DENND5B: variants seen among roughly 807,000 people sequenced by gnomAD.
DENND5B encodes DENN domain containing 5B, also known as DENN domain-containing protein 5B.
Under a neutral mutation model 140.6 loss-of-function variants are expected in DENND5B, and 34 were observed. The observed-to-expected ratio is 0.24, with a 90% CI of 0.18 to 0.32. DENND5B has a LOEUF of 0.32. Among genes scored for constraint, DENND5B ranks in the 10% least tolerant of loss-of-function variants. The pLI is 1.00. For synonymous variants in DENND5B, 551 were observed against 562.1 expected, an observed-to-expected ratio of 0.98 and a Z score of 0.28; for missense variants, 1,142 against 1,560.2, an observed-to-expected ratio of 0.73 and a Z score of 4.52.
intron 4 of DENND5B, among the ~76,000 whole-genome samples, chr12:31,456,999 T>G (rs1169731755): frequency 6.6e-6 from 1 of 152,122 alleles, no homozygotes; most frequent in Non-Finnish European, 1.5e-5. Flanking sequence ...TGGGAGGATC[T>G]CCTGAGCTCA....
chr12:31,538,131 C>A (rs1038700687), intron 1 of DENND5B, among the ~76,000 whole-genome samples: 24 of 152,210 alleles, frequency 1.6e-4, no homozygotes, highest in Admixed American at 1.4e-3. Context: ...CAGACTTAAT[C>A]TGTACCAAAT....
intron 5 of DENND5B, among the ~76,000 whole-genome samples, chr12:31,449,257 G>C (rs906235964): frequency 6.6e-6 from 1 of 152,108 alleles, no homozygotes; most frequent in African/African-American, 2.4e-5. Flanking sequence ...TGAAATTTAG[G>C]AGGTCTTCTT....
intron 6 of DENND5B, among the ~76,000 whole-genome samples, chr12:31,443,320 C>G (rs1324233673): frequency 6.6e-6 from 1 of 152,142 alleles, no homozygotes; most frequent in Middle Eastern, 3.2e-3. Flanking sequence ...GGTGATCCAC[C>G]CTCCTTGGCC....
intron 12 of DENND5B, among the ~76,000 whole-genome samples, chr12:31,414,027 T>G (rs1444755187): frequency 6.6e-6 from 1 of 152,254 alleles, no homozygotes; most frequent in Admixed American, 6.5e-5. Flanking sequence ...ATGGAAAATA[T>G]GAAATCTTAC....
intron 1 of DENND5B, among the ~76,000 whole-genome samples, chr12:31,521,795 C>T (rs929437786): frequency 6.6e-6 from 1 of 152,168 alleles, no homozygotes; most frequent in East Asian, 1.9e-4. Context: ...CACTTCATCT[C>T]TTGTCCAGAC....
intron 16 of DENND5B, among the ~76,000 whole-genome samples, 160 bp from the exon 17 acceptor site, chr12:31,398,522 G>A (rs1387681260): frequency 6.6e-6 from 1 of 152,018 alleles, no homozygotes; most frequent in Non-Finnish European, 1.5e-5. Flanking sequence ...GGCTGGTCTT[G>A]AACTCTTGGC....
At chr12:31,403,595 A>G (rs1348326144) in intron 14 of DENND5B, among the ~76,000 whole-genome samples, 2 of 57,556 alleles carry the variant, frequency 3.5e-5, no homozygotes, top group African/African-American at 9.0e-5. Context: ...TCTGCCTCAG[A>G]AAAAAAAAAG....
intron 7 of DENND5B, among the ~76,000 whole-genome samples, chr12:31,439,786 T>G (rs1460162867): frequency 6.6e-6 from 1 of 151,700 alleles, no homozygotes; most frequent in African/African-American, 2.4e-5. Flanking sequence ...AAAATTAGCC[T>G]GGCGTAGTGG....
rs1950603833 is a variant in DENND5B at position 31,591,063 on chromosome 12, G to A, written c.-231C>T. ...CCGGAGCCCGGCCGGGTGGGGGAGG[G>A]GCGCGGGGGGAGTGTCGGCCTGAGA... On this transcript the variant is annotated 5_prime_UTR_variant, in exon 1 of 21. Transcript: ENST00000389082. 5.0e-6 allele frequency: 1 copy of A among 199,992 alleles called. No individual in the cohort carries two copies. Among genetic ancestry groups the A allele is most frequent in the Non-Finnish European group, 8.8e-6 (1 of 113,366 alleles). 12.4% of individuals were successfully genotyped at this position (199,992 alleles called of 1,614,324 possible). A position where few individuals can be genotyped will look rare whatever the true frequency, so the allele number is the denominator to read the frequency against.
chr12:31,546,623 T>G (rs1453860454), intron 1 of DENND5B, among the ~76,000 whole-genome samples: 1 of 152,080 alleles, frequency 6.6e-6, no homozygotes, highest in Admixed American at 6.6e-5. Flanking sequence ...GAGGCAGATG[T>G]TGTAGTGAGC....
chr12:31,484,942 C>T (rs1273379275), intron 2 of DENND5B, among the ~76,000 whole-genome samples: 2 of 152,132 alleles, frequency 1.3e-5, no homozygotes, highest in Non-Finnish European at 2.9e-5. Context: ...ATTAGACAAC[C>T]GGCGATGACC....
chr12:31,472,962 T>C (rs978150146), intron 3 of DENND5B, among the ~76,000 whole-genome samples: 1 of 150,678 alleles, frequency 6.6e-6, no homozygotes, highest in Non-Finnish European at 1.5e-5. Context: ...AAAAAAAAGA[T>C]AGGGTCTCAC....
At chr12:31,402,004 G>A (rs983028704) in intron 15 of DENND5B, among the ~76,000 whole-genome samples, 1 of 151,000 alleles carries the variant, frequency 6.6e-6, no homozygotes, top group African/African-American at 2.4e-5. Context: ...AACCCAGGAG[G>A]TGGAGGTTGC....
At chr12:31,576,537 C>T (rs986029035) in intron 1 of DENND5B, among the ~76,000 whole-genome samples, 1 of 151,768 alleles carries the variant, frequency 6.6e-6, no homozygotes. Flanking sequence ...AAGAAATTTC[C>T]CAGTTTCTGC....
intron 2 of DENND5B, among the ~76,000 whole-genome samples, chr12:31,493,704 G>A (rs902072011): frequency 1.1e-4 from 17 of 152,126 alleles, no homozygotes; most frequent in Admixed American, 9.2e-4. Flanking sequence ...AGTGGTGTGC[G>A]CCTGTAATCT....
At chr12:31,447,504 TTTTAA>T (rs781356244) in intron 6 of DENND5B, 29 bp downstream of exon 6, 25 of 1,560,894 alleles carry the variant, frequency 1.6e-5, no homozygotes, top group Non-Finnish European at 2.0e-5. Flanking sequence ...CGATAATGGA[TTTTAA>T]TTTAATTTAA....
At chr12:31,441,062 G>A (rs1484297671) in intron 7 of DENND5B, among the ~76,000 whole-genome samples, 1 of 151,960 alleles carries the variant, frequency 6.6e-6, no homozygotes, top group Non-Finnish European at 1.5e-5. Flanking sequence ...TTTTGTAGGG[G>A]CTTGGCCTGG....
intron 1 of DENND5B, chr12:31,499,486 A>C (rs1946921700): frequency 2.8e-6 from 2 of 701,860 alleles, no homozygotes; most frequent in African/African-American, 3.7e-5. Flanking sequence ...AGAGAAACAT[A>C]AAATAACATC....
chr12:31,548,179 C>T (rs895769819), intron 1 of DENND5B, among the ~76,000 whole-genome samples: 5 of 151,842 alleles, frequency 3.3e-5, no homozygotes, highest in African/African-American at 9.7e-5. Flanking sequence ...ATCACTTGAG[C>T]GCAGAAGTTC....
Sources: gnomAD v4.1 joint callset for allele counts (sites outside exome capture counted in the v4.1 genomes callset) on GRCh38, gnomAD v4.1.1 for gene constraint, MANE v1.5 for transcripts, NCBI Gene and HGNC (gene_info 2026-07-23, HGNC 2026-07-21) for gene names.